PEMT: variants seen among roughly 807,000 people sequenced by gnomAD.
PEMT encodes phospholipid methyltransferase.
Under a neutral mutation model 27.4 loss-of-function variants are expected in PEMT, and 23 were observed. The observed-to-expected ratio is 0.84, with a 90% CI of 0.60 to 1.19. The LOEUF (loss-of-function observed/expected upper bound fraction) is 1.19, where lower values mean the gene tolerates loss of function less well. Ranked by LOEUF, PEMT falls within the 50% of genes most tolerant of loss-of-function variation. PEMT has a pLI of 0.00. For synonymous variants in PEMT, 137 were observed against 139.1 expected (o/e 0.98, Z 0.11); for missense variants, 307 against 310.1 (o/e 0.99, Z 0.07).
chr17:17,576,785 C>A, intron 2 of PEMT, 135 bp downstream of exon 2: 3 of 708,418 alleles, frequency 4.2e-6, no homozygotes, highest in Non-Finnish European at 5.0e-6. Context: ...CACCAGCCAG[C>A]GACAGACACG....
intron 3 of PEMT, among the ~76,000 whole-genome samples, chr17:17,517,062 G>A (rs963031139): frequency 1.3e-5 from 2 of 152,216 alleles, no homozygotes; most frequent in South Asian, 2.1e-4. Context: ...GCTGCCTGCT[G>A]TGCTGCGGGG....
intron 2 of PEMT, among the ~76,000 whole-genome samples, chr17:17,535,719 G>C (rs150780801): frequency 1.2e-4 from 18 of 152,324 alleles, no homozygotes; most frequent in African/African-American, 4.3e-4. Context: ...AGGCGGAGAG[G>C]GGGCAGAAGA....
At chr17:17,547,318 C>G (rs905754821) in intron 2 of PEMT, among the ~76,000 whole-genome samples, 1 of 152,232 alleles carries the variant, frequency 6.6e-6, no homozygotes, top group Non-Finnish European at 1.5e-5. Flanking sequence ...TGCCAAGTGC[C>G]AGGCCCTGGG....
chr17:17,533,890 C>T (rs1024420216), intron 2 of PEMT, among the ~76,000 whole-genome samples: 2 of 152,038 alleles, frequency 1.3e-5, no homozygotes, highest in Admixed American at 1.3e-4. Flanking sequence ...GCCACGACAC[C>T]CGGCTAATTT....
intron 3 of PEMT, 117 bp downstream of exon 3, chr17:17,522,163 C>G (rs1184059029): frequency 1.4e-6 from 1 of 726,746 alleles, no homozygotes; most frequent in South Asian, 1.7e-5. Flanking sequence ...GCTTTGAGAG[C>G]TAACCCCTGA....
At chr17:17,577,262 G>A (rs1439942701) in intron 1 of PEMT, among the ~76,000 whole-genome samples, 2 of 152,176 alleles carry the variant, frequency 1.3e-5, no homozygotes, top group Admixed American at 6.5e-5. Context: ...TGCCAGATGA[G>A]GAAATCAGCA....
Position 17,591,608 on chromosome 17 carries a change from G to C in PEMT, c.19C>G (p.Pro7Ala). 2.5e-6 allele frequency: 4 copies of C among 1,613,162 alleles called. No individual in the cohort carries two copies. The highest frequency in any genetic ancestry group is 3.4e-6 in the Non-Finnish European group (4 of 1,179,620). Residue 7 changes from proline to alanine, a missense_variant, in exon 1 of 7, where the codon CCG becomes GCG. Transcript: ENST00000255389. MKRSGN[P>A]GAEVTNSSVA... ...GAGCTGTTCGTTACCTCGGCTCCCG[G>C]GTTCCCAGATCTCTTCATCCGGGGG...
At chr17:17,559,012 T>C (rs1243094957) in intron 2 of PEMT, among the ~76,000 whole-genome samples, 1 of 152,206 alleles carries the variant, frequency 6.6e-6, no homozygotes, top group Non-Finnish European at 1.5e-5. Flanking sequence ...ATCCCTGCCA[T>C]GGTTGCAGAA....
At chr17:17,517,373 G>A (rs1357215564) in intron 3 of PEMT, among the ~76,000 whole-genome samples, 1 of 152,252 alleles carries the variant, frequency 6.6e-6, no homozygotes, top group Non-Finnish European at 1.5e-5. Flanking sequence ...CAAGACAGCA[G>A]GAGTCGCTTT....
At position 17,582,547 on chromosome 17, in the gene PEMT, G is replaced by A; in HGVS notation, c.97-5520C>T. 2.6e-6 allele frequency: 1 copy of A among 383,680 alleles called. No individual in the cohort carries two copies. Among genetic ancestry groups the A allele is most frequent in the Non-Finnish European group, 3.6e-6 (1 of 280,180 alleles). The allele number at this position is 383,680 out of a possible 1,614,324, so 23.8% of individuals were successfully genotyped here. A position where few individuals can be genotyped will look rare whatever the true frequency, so the allele number is the denominator to read the frequency against. ...CACACCACACACAACAAAGGGCAGG[G>A]GAATGGGTGGGGGCTGCTGGAGAGG... On this transcript the variant is annotated intron_variant, in intron 1 of 6. Coordinates refer to ENST00000255389, the MANE Select transcript of PEMT (RefSeq NM_148172.3). The surrounding 1 kb of genome is among the most constrained non-coding windows in gnomAD (Gnocchi z 4.9).
chr17:17,519,017 G>T (rs968860418), intron 3 of PEMT: 1 of 152,204 alleles, frequency 6.6e-6, no homozygotes, highest in Non-Finnish European at 1.5e-5. Flanking sequence ...GCACAAAAAA[G>T]AATACCCACC....
intron 2 of PEMT, among the ~76,000 whole-genome samples, chr17:17,557,979 A>T (rs527345664): frequency 2.0e-5 from 3 of 152,194 alleles, no homozygotes; most frequent in African/African-American, 7.2e-5. Flanking sequence ...CAGAACCCCA[A>T]GAGCTTGGCA....
intron 2 of PEMT, among the ~76,000 whole-genome samples, chr17:17,568,781 G>A (rs186891994): frequency 3.3e-5 from 5 of 152,306 alleles, no homozygotes; most frequent in Admixed American, 2.0e-4. Context: ...GGAGCTGCAG[G>A]TGAGGAGGTG....
At chr17:17,559,761 A>G (rs554743756) in intron 2 of PEMT, among the ~76,000 whole-genome samples, 1 of 152,352 alleles carries the variant, frequency 6.6e-6, no homozygotes, top group African/African-American at 2.4e-5. Flanking sequence ...GTGGGGGCAG[A>G]AAAGGCCCAC....
At chr17:17,545,114 C>A (rs942558510) in intron 2 of PEMT, among the ~76,000 whole-genome samples, 3 of 152,204 alleles carry the variant, frequency 2.0e-5, no homozygotes, top group African/African-American at 7.2e-5. Context: ...CCGGGCCACA[C>A]CCTATTTAAA....
chr17:17,509,454 G>A lies in PEMT; in HGVS notation c.558C>T (p.Asn186=), dbSNP rs779802778. ...DNPMYWGSTA[N]YLGWAIMHAS... is the part of the protein sequence containing the mutation. ...CTCACATGATGGCCCAGCCCAGGTAGTTGGCTGTGCTTCCCCAGTACATGG... is the reference window on the plus strand; with the variant it reads ...CTCACATGATGGCCCAGCCCAGGTAATTGGCTGTGCTTCCCCAGTACATGG... Residue 186 remains asparagine (N), a synonymous_variant, in exon 5 of 7, where the codon AAC becomes AAT. Transcript: ENST00000255389. 2 of 1,612,660 alleles carry A rather than the reference G, an allele frequency of 1.2e-6. No homozygotes were observed. The highest frequency in any genetic ancestry group is 2.2e-5 in the South Asian group (2 of 91,006).
Position 17,522,359 on chromosome 17 carries a change from T to C in PEMT, c.241A>G (p.Arg81Gly), listed in dbSNP as rs1375708568. 3 of 1,613,664 alleles carry C rather than the reference T, an allele frequency of 1.9e-6. No homozygotes were observed. The highest frequency in any genetic ancestry group is 2.2e-5 in the East Asian group (1 of 44,842). The change falls in exon 3 of 7, where the codon AGG becomes GGG. Residue 81 changes from arginine to glycine, a missense_variant. Coordinates refer to ENST00000255389, the MANE Select transcript of PEMT (RefSeq NM_148172.3). ...RWEHKTRKLS[R>G]AFGSPYLACY... ...GCCAGGTAGGGGGATCCGAAGGCCC[T>C]GCTCAGCTTGCGGGTCTTGTGTTCC...
chr17:17,527,380 C>T (rs1907749972), intron 2 of PEMT, among the ~76,000 whole-genome samples: 1 of 152,214 alleles, frequency 6.6e-6, no homozygotes, highest in African/African-American at 2.4e-5. Flanking sequence ...GACACGGCTC[C>T]TTCGCACTCA....
At chr17:17,587,750 C>T (rs1030670716) in intron 1 of PEMT, among the ~76,000 whole-genome samples, 2 of 152,068 alleles carry the variant, frequency 1.3e-5, no homozygotes, top group Non-Finnish European at 2.9e-5. Flanking sequence ...GGTAGGTGCA[C>T]CTGTAATCCC....
Sources: gnomAD v4.1 joint callset for allele counts (sites outside exome capture counted in the v4.1 genomes callset) on GRCh38, gnomAD v4.1.1 for gene constraint, Gnocchi (gnomAD v3.1) non-coding constraint, MANE v1.5 for transcripts, NCBI Gene and HGNC (gene_info 2026-07-23, HGNC 2026-07-21) for gene names.